Variants in MTRF1 observed in about 807,000 individuals in gnomAD.
MTRF1 encodes mitochondrial translation release factor 1.
In MTRF1, 51 loss-of-function variants were observed where a neutral mutation model predicts 62.9. The observed-to-expected ratio is 0.81, with a 90% CI of 0.65 to 1.02. The LOEUF is 1.02. Ranked by LOEUF, MTRF1 falls within the 50% of genes least tolerant of loss-of-function variation. MTRF1 has a pLI of 0.00. For synonymous variants in MTRF1, 158 were observed against 181.9 expected (o/e 0.87, Z 1.06); for missense variants, 446 against 530.0 (o/e 0.84, Z 1.56).
At chr13:41,306,549 T>G in the MTRF1 span, among the ~76,000 whole-genome samples, 40 of 152,336 alleles carry the variant, frequency 2.6e-4, no homozygotes, top group East Asian at 7.5e-3. Context: ...TATTTGATTT[T>G]AGGTTGCCAG....
chr13:41,281,392 A>T, the MTRF1 span, among the ~76,000 whole-genome samples: 1 of 151,610 alleles, frequency 6.6e-6, no homozygotes, highest in African/African-American at 2.4e-5. Flanking sequence ...TTTTTTTTTA[A>T]ATAGCACTTT....
At chr13:41,301,700 A>G in the MTRF1 span, among the ~76,000 whole-genome samples, 2 of 151,934 alleles carry the variant, frequency 1.3e-5, no homozygotes, top group African/African-American at 2.4e-5. Flanking sequence ...GTGAGCCCAG[A>G]TCTCACCACT....
the MTRF1 span, among the ~76,000 whole-genome samples, chr13:41,268,713 A>T: frequency 6.6e-6 from 1 of 152,202 alleles, no homozygotes; most frequent in African/African-American, 2.4e-5. Flanking sequence ...AAGGGGAGAG[A>T]AAACCAAAAA....
At chr13:41,271,236 A>G in the MTRF1 span, among the ~76,000 whole-genome samples, 1 of 152,202 alleles carries the variant, frequency 6.6e-6, no homozygotes, top group African/African-American at 2.4e-5. Flanking sequence ...AAGAAAATAG[A>G]AAAGAGAACT....
intron 7 of MTRF1, among the ~76,000 whole-genome samples, chr13:41,232,451 A>G (rs2138828792): frequency 6.6e-6 from 1 of 152,354 alleles, no homozygotes; most frequent in Non-Finnish European, 1.5e-5. Flanking sequence ...AGTATTTCAG[A>G]GCTGAAAGGC....
chr13:41,285,733 T>C, the MTRF1 span, among the ~76,000 whole-genome samples: 1 of 152,104 alleles, frequency 6.6e-6, no homozygotes, highest in Non-Finnish European at 1.5e-5. Context: ...AGACAACCTT[T>C]TCCTTTCTCC....
chr13:41,225,807 TTA>T (rs1491491267), intron 8 of MTRF1, among the ~76,000 whole-genome samples: 2 of 64,738 alleles, frequency 3.1e-5, no homozygotes, highest in South Asian at 5.7e-4. Flanking sequence ...GACTCTGTCA[TTA>T]AAAAAAAAAA....
At chr13:41,285,919 C>T in the MTRF1 span, among the ~76,000 whole-genome samples, 3 of 151,784 alleles carry the variant, frequency 2.0e-5, no homozygotes, top group South Asian at 4.2e-4. Flanking sequence ...CAAAAATTAG[C>T]CAGGAGTGGT....
At chr13:41,264,532 G>A (rs928110307), upstream of MTRF1, among the ~76,000 whole-genome samples, 1 of 152,156 alleles carries the variant, frequency 6.6e-6, no homozygotes, top group African/African-American at 2.4e-5. Flanking sequence ...TGACTTTACA[G>A]AGTATTTTCT....
the MTRF1 span, among the ~76,000 whole-genome samples, chr13:41,283,823 C>T: frequency 3.3e-5 from 5 of 151,894 alleles, no homozygotes; most frequent in Non-Finnish European, 4.4e-5. Context: ...GTGATCCACC[C>T]GCCTCGGCCT....
chr13:41,259,203 C>G (rs117921041), intron 2 of MTRF1, among the ~76,000 whole-genome samples: 8,068 of 152,236 alleles, frequency 0.053, 265 homozygotes, highest in Non-Finnish European at 0.08. Flanking sequence ...GGAAAACAGT[C>G]TAGCACTTCC....
the MTRF1 span, chr13:41,311,497 C>G: frequency 1.3e-6 from 2 of 1,576,410 alleles, no homozygotes; most frequent in East Asian, 2.3e-5. Context: ...CCTAGCCTCC[C>G]TGCCGGCCAC....
At chr13:41,305,845 C>CCTTGCTTTGTGTCCCTCATAGGA in the MTRF1 span, among the ~76,000 whole-genome samples, 504 of 152,308 alleles carry the variant, frequency 3.3e-3, 4 homozygotes, top group African/African-American at 0.012. Flanking sequence ...TCTCAAATGA[C>CCTTGCTTTGTGTCCCTCATAGGA]CTTGCTTTGT....
intron 6 of MTRF1, chr13:41,235,850 C>CAT (rs2036417483): frequency 8.9e-6 from 1 of 112,038 alleles, no homozygotes; most frequent in Non-Finnish European, 2.1e-5. Context: ...GACACACACA[C>CAT]ACACAGAAAC....
the MTRF1 span, among the ~76,000 whole-genome samples, chr13:41,282,520 T>C: frequency 8.5e-5 from 13 of 152,296 alleles, no homozygotes; most frequent in African/African-American, 2.6e-4. Context: ...GTTTTGATCA[T>C]CATTTCCCTA....
At chr13:41,296,219 T>TA in the MTRF1 span, among the ~76,000 whole-genome samples, 1 of 152,172 alleles carries the variant, frequency 6.6e-6, no homozygotes, top group Non-Finnish European at 1.5e-5. Context: ...GTGCTGGGAC[T>TA]AAAGGTATGA....
At chr13:41,281,923 T>C in the MTRF1 span, among the ~76,000 whole-genome samples, 1 of 151,698 alleles carries the variant, frequency 6.6e-6, no homozygotes, top group African/African-American at 2.4e-5. Context: ...GATCACGAGG[T>C]CAGGAGATCG....
intron 5 of MTRF1, among the ~76,000 whole-genome samples, chr13:41,248,635 C>T (rs191026041): frequency 1.2e-4 from 18 of 152,244 alleles, no homozygotes; most frequent in Admixed American, 9.8e-4. Flanking sequence ...TGGGGCTTCC[C>T]GACAAATATG....
intron 6 of MTRF1, chr13:41,236,560 T>C (rs1417609121): frequency 1.3e-5 from 2 of 152,252 alleles, no homozygotes; most frequent in Non-Finnish European, 2.9e-5. Flanking sequence ...ATACACTGTT[T>C]AGCTGATTGT....
Sources: allele counts gnomAD v4.1 joint callset (sites outside exome capture counted in the v4.1 genomes callset), GRCh38; gene constraint gnomAD v4.1.1; transcripts MANE v1.5; gene names NCBI Gene and HGNC (gene_info 2026-07-23, HGNC 2026-07-21).